CHCHD1: variants seen among roughly 807,000 people sequenced by gnomAD.
CHCHD1 encodes coiled-coil-helix-coiled-coil-helix domain containing 1.
A neutral mutation model predicts 12.7 loss-of-function variants in CHCHD1; 12 were observed. The observed-to-expected ratio is 0.95, with a 90% CI of 0.61 to 1.53. CHCHD1 has a LOEUF of 1.53. Ranked by LOEUF, CHCHD1 falls within the 40% of genes most tolerant of loss-of-function variation. CHCHD1 has a pLI of 0.00. For missense variants in CHCHD1, 151 were observed against 155.8 expected (o/e 0.97, Z 0.17); for synonymous variants, 57 against 62.4 (o/e 0.91, Z 0.41).
At chr10:73,782,547 G>A in intron 2 of CHCHD1, 106 bp downstream of exon 2, 2 of 1,561,822 alleles carry the variant, frequency 1.3e-6, no homozygotes, top group Admixed American at 3.9e-5. Flanking sequence ...TCATTTGGGA[G>A]GTATATTATT....
At chr10:73,782,525 A>G in intron 2 of CHCHD1, 84 bp downstream of exon 2, 4 of 1,592,824 alleles carry the variant, frequency 2.5e-6, no homozygotes, top group Non-Finnish European at 3.4e-6. Context: ...TTGCTAGGAA[A>G]GGCCCTTTCA....
chr10:73,782,917 C>A, intron 2 of CHCHD1, 157 bp from the exon 3 acceptor site: 1 of 673,240 alleles, frequency 1.5e-6, no homozygotes, highest in Non-Finnish European at 2.6e-6. Context: ...TCTCTCCAGG[C>A]TGGTTAACAT....
chr10:73,783,300 C>CT lies in CHCHD1; in HGVS notation c.*119dup. On this transcript the variant is annotated 3_prime_UTR_variant, in exon 3 of 3. Coordinates refer to ENST00000372833, the MANE Select transcript of CHCHD1 (RefSeq NM_203298.3). ...TTTGGAGGGTAGAAGAGGCAAAACA[C>CT]TTTTTTCACCCTTTGGAATCATAGT... The CT allele has an allele frequency of 1.5e-6, 1 of 685,042 alleles. No homozygotes were observed. 42.4% of individuals were successfully genotyped at this position (685,042 alleles called of 1,614,324 possible). A position where few individuals can be genotyped will look rare whatever the true frequency, so the allele number is the denominator to read the frequency against.
In CHCHD1 at chr10:73,782,054, C is replaced by A. The variant is rs1044928491; in HGVS notation, c.-22C>A. 1.2e-6 allele frequency: 2 copies of A among 1,611,988 alleles called. No homozygotes were observed. The highest frequency in any genetic ancestry group is 1.7e-6 in the Non-Finnish European group (2 of 1,179,596). ...CGAGGTCACGCACGGAACCGCAAAG[C>A]CTGCCGGGAGCTTGGTGCGCTATGG... On this transcript the variant is annotated 5_prime_UTR_variant, in exon 1 of 3. Transcript: ENST00000372833.
chr10:73,782,266 G>C, intron 1 of CHCHD1, 57 bp from the exon 2 acceptor site: 1 of 1,609,418 alleles, frequency 6.2e-7, no homozygotes, highest in South Asian at 1.1e-5. Flanking sequence ...GGGTGGGTAG[G>C]AGGGCAGGAA....
chr10:73,782,099 T>C lies in CHCHD1; in HGVS notation c.24T>C (p.Gly8=), dbSNP rs376760792. ...CTATGGCGACACCCAGCCTGCGGGG[T>C]CGTCTGGCGCGGTTTGGGAACCCGC... MATPSLR[G]RLARFGNPRK... Residue 8 remains glycine, a synonymous_variant, in exon 1 of 3, where the codon GGT becomes GGC. Transcript: ENST00000372833. The C allele has an allele frequency of 8.9e-5, 143 of 1,612,874 alleles. No homozygotes were observed. The Admixed American group carries it at 9.0e-4, about 10-fold the overall frequency.
chr10:73,782,358 G>T lies in CHCHD1; in HGVS notation c.160G>T (p.Ala54Ser). Residue 54 changes from alanine (A) to serine (S), a missense_variant, in exon 2 of 3, where the codon GCT becomes TCT. Physicochemically the swap from Ala to Ser is moderately conservative, Grantham distance 99 (BLOSUM62 1). Coordinates refer to ENST00000372833, the MANE Select transcript of CHCHD1 (RefSeq NM_203298.3). Reference protein sequence around the residue: ...TCITEMSVMMACWKQNEFRDD... With the variant: ...TCITEMSVMMSCWKQNEFRDD... Reference sequence around the variant, plus strand: ...CATCACGGAGATGTCGGTGATGATGGCTTGCTGGAAGCAGAATGAATTCCG... The same window carrying T: ...CATCACGGAGATGTCGGTGATGATGTCTTGCTGGAAGCAGAATGAATTCCG... The T allele has an allele frequency of 6.2e-7, 1 of 1,614,210 alleles. No homozygotes were observed. The highest frequency in any genetic ancestry group is 8.5e-7 in the Non-Finnish European group (1 of 1,180,032).
In CHCHD1 at chr10:73,782,635, G is replaced by C. The variant is rs572145327; in HGVS notation, c.243+194G>C. ...TTTATTCATTGCTCTGAACTTTCGA[G>C]TTACTGTACGTAAAATGAGGCTAAC... On this transcript the variant is annotated intron_variant, in intron 2 of 2. Transcript: ENST00000372833. 1.5e-4 allele frequency: 208 copies of C among 1,378,498 alleles called. 2 individuals carry two copies. In the African/African-American group the frequency reaches 1.5e-3, roughly 10 times the overall value. 85.4% of individuals were successfully genotyped at this position (1,378,498 alleles called of 1,614,324 possible).
In CHCHD1 at chr10:73,783,080, C is replaced by T; in HGVS notation, c.250C>T (p.Arg84Ter). ...LDCAARAQEA[R>*]KMRSIQETLG... The stretch of plus-strand genomic sequence containing the variant: ...ATTTGTTTTGTGTTTTCAGGAAGCC[C>T]GAAAGATGAGATCAATACAGGAAAC... The change falls in exon 3 of 3, where the codon CGA becomes TGA. Residue 84 changes from arginine to a stop codon, truncating the protein, a stop_gained. Transcript: ENST00000372833. LOFTEE classifies it high-confidence loss of function. The T allele has an allele frequency of 1.2e-6, 2 of 1,611,696 alleles. No individual in the cohort carries two copies. Among genetic ancestry groups the T allele is most frequent in the Non-Finnish European group, 1.7e-6 (2 of 1,178,702 alleles).
chr10:73,782,754 A>T (rs754278484), intron 2 of CHCHD1: 5 of 614,752 alleles, frequency 8.1e-6, no homozygotes, highest in Non-Finnish European at 7.8e-6. Context: ...AGTAGACATT[A>T]TTGTGTGAAA....
At chr10:73,782,637 T>TA (rs1276918013) in intron 2 of CHCHD1, 196 bp downstream of exon 2, 1 of 1,377,824 alleles carries the variant, frequency 7.3e-7, no homozygotes, top group African/African-American at 1.5e-5. Flanking sequence ...ACTTTCGAGT[T>TA]ACTGTACGTA....
Position 73,782,111 on chromosome 10 carries a change from G to A in CHCHD1, c.36G>A (p.Arg12=), listed in dbSNP as rs1420495803. Reference sequence around the variant, plus strand: ...CCAGCCTGCGGGGTCGTCTGGCGCGGTTTGGGAACCCGCGGAAGCCTGTGC... The same window carrying A: ...CCAGCCTGCGGGGTCGTCTGGCGCGATTTGGGAACCCGCGGAAGCCTGTGC... ...ATPSLRGRLA[R]FGNPRKPVLK... is the part of the protein sequence containing the mutation. Residue 12 remains arginine, a synonymous_variant, in exon 1 of 3, where the codon CGG becomes CGA. Coordinates refer to ENST00000372833, the MANE Select transcript of CHCHD1 (RefSeq NM_203298.3). 6.2e-7 allele frequency: 1 copy of A among 1,613,286 alleles called. No individual in the cohort carries two copies. The highest frequency in any genetic ancestry group is 8.5e-7 in the Non-Finnish European group (1 of 1,179,958).
chr10:73,783,085 G>A lies in CHCHD1; in HGVS notation c.255G>A (p.Lys85=). The A allele has an allele frequency of 3.7e-6, 6 of 1,613,034 alleles. No homozygotes were observed. Among genetic ancestry groups the A allele is most frequent in the Non-Finnish European group, 5.1e-6 (6 of 1,179,544 alleles). Residue 85 remains lysine (K), a synonymous_variant, in exon 3 of 3, where the codon AAG becomes AAA. Transcript: ENST00000372833. ...TTTTGTGTTTTCAGGAAGCCCGAAA[G>A]ATGAGATCAATACAGGAAACCCTGG... ...DCAARAQEAR[K]MRSIQETLGE...
In CHCHD1 at chr10:73,783,121, G is replaced by A; in HGVS notation, c.291G>A (p.Gly97=). The change falls in exon 3 of 3, where the codon GGG becomes GGA. Residue 97 remains glycine (G), a synonymous_variant. Transcript: ENST00000372833. The part of the protein sequence containing the change: ...RSIQETLGES[G]SLLPNKLNKL... ...TACAGGAAACCCTGGGAGAGTCTGG[G>A]AGTTTACTTCCAAATAAATTGAATA... is the stretch of plus-strand genomic sequence containing the variant. 1.2e-6 allele frequency: 2 copies of A among 1,614,038 alleles called. No individual in the cohort carries two copies. The highest frequency in any genetic ancestry group is 1.7e-6 in the Non-Finnish European group (2 of 1,179,998).
chr10:73,782,243 C>G, intron 1 of CHCHD1, 44 bp downstream of exon 1: 2 of 1,611,416 alleles, frequency 1.2e-6, no homozygotes, highest in South Asian at 1.1e-5. Flanking sequence ...GAAGCCGGAG[C>G]ATGAGCAGGG....
chr10:73,782,194 A>G lies in CHCHD1; in HGVS notation c.119A>G (p.Lys40Arg). 6.2e-7 allele frequency: 1 copy of G among 1,613,868 alleles called. No individual in the cohort carries two copies. The highest frequency in any genetic ancestry group is 2.2e-5 in the East Asian group (1 of 44,876). The part of the protein sequence containing the change: ...ANRVGERRRE[K>R]GEATCITEMS... ...CGCGTCGGGGAGCGGCGCCGGGAGA[A>G]GGGCGGTGAGCAGTCGGAGTCAGGA... The change falls in exon 1 of 3, where the codon AAG (lysine) becomes AGG (arginine). Residue 40 changes from lysine to arginine, a missense_variant. Coordinates refer to ENST00000372833, the MANE Select transcript of CHCHD1 (RefSeq NM_203298.3).
chr10:73,782,204 G>A lies in CHCHD1; in HGVS notation c.124+5G>A. On this transcript the variant is annotated splice_donor_5th_base_variant and intron_variant, in intron 1 of 2. Coordinates refer to ENST00000372833, the MANE Select transcript of CHCHD1 (RefSeq NM_203298.3). ...AGCGGCGCCGGGAGAAGGGCGGTGAGCAGTCGGAGTCAGGACGGCCCCGGA... is the reference window on the plus strand; with the variant it reads ...AGCGGCGCCGGGAGAAGGGCGGTGAACAGTCGGAGTCAGGACGGCCCCGGA... 1 of 1,613,866 alleles carries A rather than the reference G, an allele frequency of 6.2e-7. No homozygotes were observed. The highest frequency in any genetic ancestry group is 2.2e-5 in the East Asian group (1 of 44,880).
chr10:73,783,299 A>G lies in CHCHD1; in HGVS notation c.*112A>G. 2 of 690,158 alleles carry G rather than the reference A, an allele frequency of 2.9e-6. No homozygotes were observed. The highest frequency in any genetic ancestry group is 1.8e-5 in the South Asian group (1 of 54,320). The allele number at this position is 690,158 out of a possible 1,614,324, so 42.8% of individuals were successfully genotyped here. On this transcript the variant is annotated 3_prime_UTR_variant, in exon 3 of 3. Coordinates refer to ENST00000372833, the MANE Select transcript of CHCHD1 (RefSeq NM_203298.3). Reference sequence around the variant, plus strand: ...CTTTGGAGGGTAGAAGAGGCAAAACACTTTTTTCACCCTTTGGAATCATAG... The same window carrying G: ...CTTTGGAGGGTAGAAGAGGCAAAACGCTTTTTTCACCCTTTGGAATCATAG...
chr10:73,782,853 ATAG>A (rs1184475681), intron 2 of CHCHD1: 1 of 586,078 alleles, frequency 1.7e-6, no homozygotes, highest in Non-Finnish European at 2.9e-6. Flanking sequence ...GCTTCTGAAC[ATAG>A]TCTCATTTGT....
Sources: gnomAD v4.1 joint callset for allele counts on GRCh38, gnomAD v4.1.1 for gene constraint, MANE v1.5 for transcripts, NCBI Gene and HGNC (gene_info 2026-07-23, HGNC 2026-07-21) for gene names.